The following ACSL5 variants were observed in gnomAD, a reference collection of about 807,000 sequenced individuals.
The protein encoded by ACSL5 is long-chain-fatty-acid--CoA ligase 5.
Under a neutral mutation model 84.9 loss-of-function variants are expected in ACSL5, and 50 were observed. That is an observed-to-expected ratio of 0.59 (90% confidence interval 0.47 to 0.75). The LOEUF is 0.75. Ranked by LOEUF, ACSL5 falls within the 30% of genes least tolerant of loss-of-function variation. ACSL5 has a pLI of 0.00. For synonymous variants in ACSL5, 280 were observed against 300.7 expected, an observed-to-expected ratio of 0.93 and a Z score of 0.71; for missense variants, 775 against 830.4, an observed-to-expected ratio of 0.93 and a Z score of 0.82.
intron 3 of ACSL5, among the ~76,000 whole-genome samples, chr10:112,399,771 T>A (rs1843834152): frequency 6.6e-6 from 1 of 152,232 alleles, no homozygotes; most frequent in Admixed American, 6.5e-5. Context: ...TCCTGTCAAG[T>A]GTTAACTATA....
chr10:112,420,148 C>A (rs1844422400), intron 14 of ACSL5: 1 of 152,302 alleles, frequency 6.6e-6, no homozygotes, highest in East Asian at 1.9e-4. Flanking sequence ...TTTCCTTAAG[C>A]CCCTAAAACC....
chr10:112,427,095 G>C, intron 20 of ACSL5, 123 bp from the exon 21 acceptor site: 2 of 1,025,298 alleles, frequency 2.0e-6, no homozygotes, highest in Non-Finnish European at 2.9e-6. Flanking sequence ...GAATGGGCAT[G>C]TGTTACTGTT....
At chr10:112,377,331 G>T (rs937834978) in intron 1 of ACSL5, among the ~76,000 whole-genome samples, 1 of 152,224 alleles carries the variant, frequency 6.6e-6, no homozygotes, top group African/African-American at 2.4e-5. Flanking sequence ...CCTGAAGTCA[G>T]GAGTTAGAAA....
Position 112,416,888 on chromosome 10 carries a change from G to A in ACSL5, c.1084G>A (p.Val362Ile), listed in dbSNP as rs768806689. The A allele has an allele frequency of 1.9e-6, 3 of 1,613,834 alleles. No homozygotes were observed. Among genetic ancestry groups the A allele is most frequent in the East Asian group, 2.2e-5 (1 of 44,860 alleles). Residue 362 changes from valine (V) to isoleucine (I), a missense_variant and splice_region_variant, in exon 13 of 21, where the codon GTA (valine) becomes ATA (isoleucine). Transcript: ENST00000354655. ...PRLLNRIYDK[V>I]QNEAKTPLKK... ...ACTAAAAGGAGCTATCACTCTGCAG[G>A]TACAAAATGAGGCCAAGACACCCTT...
chr10:112,416,852 A>G (rs1399973709), intron 12 of ACSL5, 36 bp from the exon 13 acceptor site: 1 of 1,609,980 alleles, frequency 6.2e-7, no homozygotes, highest in Non-Finnish European at 8.5e-7. Context: ...AGTATCTCCA[A>G]TAGGTTTCCA....
chr10:112,419,495 A>AT (rs1364295533), intron 14 of ACSL5: 4 of 152,080 alleles, frequency 2.6e-5, no homozygotes, highest in Admixed American at 1.3e-4. Context: ...TGAATTTTGC[A>AT]TTTTTTTCCA....
At chr10:112,422,547 C>A (rs902184687) in intron 17 of ACSL5, 106 bp downstream of exon 17, 2 of 1,051,794 alleles carry the variant, frequency 1.9e-6, no homozygotes, top group Non-Finnish European at 1.4e-6. Context: ...TCAGCTGAGG[C>A]AGCTGGAGGG....
chr10:112,421,177 G>A (rs1461487086), intron 14 of ACSL5, among the ~76,000 whole-genome samples: 1 of 150,940 alleles, frequency 6.6e-6, no homozygotes, highest in Non-Finnish European at 1.5e-5. Context: ...TTTGTTTTTT[G>A]AGACGGAGTC....
intron 1 of ACSL5, among the ~76,000 whole-genome samples, chr10:112,392,040 A>G (rs979248808): frequency 7.2e-5 from 11 of 152,256 alleles, no homozygotes; most frequent in Admixed American, 2.0e-4. Context: ...CTATTAAAAT[A>G]TAAATGTGCC....
intron 1 of ACSL5, among the ~76,000 whole-genome samples, chr10:112,376,008 T>A (rs1330604857): frequency 6.6e-6 from 1 of 152,160 alleles, no homozygotes; most frequent in Non-Finnish European, 1.5e-5. Context: ...CATTTTAGTT[T>A]GTTTGTTTTC....
intron 1 of ACSL5, among the ~76,000 whole-genome samples, chr10:112,393,278 TC>T (rs773117213): frequency 2.0e-5 from 3 of 152,068 alleles, no homozygotes; most frequent in Non-Finnish European, 4.4e-5. Context: ...CTTATTTTTC[TC>T]CCCCTAAATG....
intron 6 of ACSL5, 65 bp downstream of exon 6, chr10:112,408,586 G>C (rs911906566): frequency 8.6e-7 from 1 of 1,168,282 alleles, no homozygotes; most frequent in Non-Finnish European, 1.3e-6. Context: ...TTCAATTTCT[G>C]CTTTTTTGTT....
intron 19 of ACSL5, 34 bp downstream of exon 19, chr10:112,426,393 C>T (rs1312737605): frequency 6.4e-7 from 1 of 1,573,320 alleles, no homozygotes; most frequent in Admixed American, 1.7e-5. Context: ...TATGCACACC[C>T]ATGGGCCCAT....
intron 5 of ACSL5, 29 bp from the exon 6 acceptor site, chr10:112,408,393 A>C (rs1844099033): frequency 7.1e-7 from 1 of 1,416,406 alleles, no homozygotes; most frequent in Admixed American, 1.7e-5. Flanking sequence ...TGTGCCCTCC[A>C]GTCCTTACTT....
intron 1 of ACSL5, among the ~76,000 whole-genome samples, chr10:112,379,462 G>A (rs1200484716): frequency 6.6e-6 from 1 of 151,354 alleles, no homozygotes; most frequent in Admixed American, 6.6e-5. Flanking sequence ...TTGCACAGAA[G>A]TGGAGGGGCA....
At chr10:112,419,839 A>G (rs1235892062) in intron 14 of ACSL5, 1 of 152,198 alleles carries the variant, frequency 6.6e-6, no homozygotes, top group Admixed American at 6.5e-5. Context: ...CCAATATTTC[A>G]TAAGACTGTT....
At chr10:112,376,075 G>A (rs1422613775) in intron 1 of ACSL5, 4 of 499,852 alleles carry the variant, frequency 8.0e-6, no homozygotes, top group African/African-American at 7.6e-5. Flanking sequence ...GTTGAGGCAA[G>A]CTGGCTTTTG....
At chr10:112,388,142 G>A (rs1235429377) in intron 1 of ACSL5, among the ~76,000 whole-genome samples, 6 of 152,116 alleles carry the variant, frequency 3.9e-5, no homozygotes, top group Admixed American at 2.6e-4. Flanking sequence ...GTTTCGCCAT[G>A]TTGGCCAGGC....
chr10:112,417,811 T>C lies in ACSL5; in HGVS notation c.1219-35T>C, dbSNP rs779123883. On this transcript the variant is annotated intron_variant, in intron 13 of 20. Transcript: ENST00000354655. ...GTGGAGGAAATTGAAGCCAAGAGAA[T>C]AGGTTTTAGTATGTCTTTTGTTTCC... 35 of 1,575,826 alleles carry C rather than the reference T, an allele frequency of 2.2e-5. No homozygotes were observed. In the Middle Eastern group the frequency reaches 6.7e-4, roughly 30 times the overall value.
Sources: gnomAD v4.1 joint callset for allele counts (sites outside exome capture counted in the v4.1 genomes callset) on GRCh38, gnomAD v4.1.1 for gene constraint, MANE v1.5 for transcripts, NCBI Gene and HGNC (gene_info 2026-07-23, HGNC 2026-07-21) for gene names.